Variants in MACROD2 observed in about 807,000 individuals in gnomAD.
MACROD2 encodes the protein mono-ADP ribosylhydrolase 2.
Under a neutral mutation model 70.4 loss-of-function variants are expected in MACROD2, and 36 were observed. That is an observed-to-expected ratio of 0.51 (90% CI 0.39 to 0.68). The LOEUF is 0.68. MACROD2 is among the 30% of genes least tolerant of loss of function. The pLI, the probability that MACROD2 is intolerant of heterozygous loss-of-function variation, is 0.00. For synonymous variants in MACROD2, 172 were observed against 178.8 expected, an observed-to-expected ratio of 0.96 and a Z score of 0.30; for missense variants, 496 against 538.4, an observed-to-expected ratio of 0.92 and a Z score of 0.78.
chr20:14,972,502 T>C (rs2074700995), intron 5 of MACROD2, among the ~76,000 whole-genome samples: 1 of 152,162 alleles, frequency 6.6e-6, no homozygotes, highest in Non-Finnish European at 1.5e-5. Context: ...ATTTAGCCCT[T>C]TACATATATT....
intron 3 of MACROD2, among the ~76,000 whole-genome samples, chr20:14,171,247 C>T (rs2081218059): frequency 6.6e-6 from 1 of 152,148 alleles, no homozygotes; most frequent in Non-Finnish European, 1.5e-5. Context: ...CTTGGTTAGT[C>T]TCACTAACGT....
intron 3 of MACROD2, among the ~76,000 whole-genome samples, chr20:14,478,929 A>G (rs947201026): frequency 6.6e-6 from 1 of 151,516 alleles, no homozygotes; most frequent in Non-Finnish European, 1.5e-5. Context: ...ACATTTTTCT[A>G]GGCTAGGCTT....
chr20:13,995,849 GGTTAGGGT>G lies in MACROD2; in HGVS notation c.46+42_46+49del. On this transcript the variant is annotated intron_variant, in intron 1 of 17. Transcript: ENST00000684519. This position sits in a 1 kb window ranked among gnomAD's most constrained non-coding sequence, Gnocchi z 4.3. ...GAGTCCTGGGGGTGCGGGCGGTGGG[GGTTAGGGT>G]GGGGGCGGGGGTCAGGCTGTGTGTG... is the stretch of plus-strand genomic sequence containing the variant. 1.5e-6 allele frequency: 2 copies of G among 1,312,110 alleles called. No homozygotes were observed. The highest frequency in any genetic ancestry group is 2.1e-6 in the Non-Finnish European group (2 of 938,804). The allele number at this position is 1,312,110 out of a possible 1,614,324, so 81.3% of individuals were successfully genotyped here.
chr20:14,326,305 T>C lies in MACROD2; in HGVS notation c.272-167174T>C. ...TTTTCTTGAGGGACTCCCTGTGGTT[T>C]GGTGATCCTTAGTGAGCTTGGGGTT... On this transcript the variant is annotated intron_variant, in intron 3 of 17. Transcript: ENST00000684519. This position sits in a 1 kb window ranked among gnomAD's most constrained non-coding sequence, Gnocchi z 5.5. 1.2e-6 allele frequency: 2 copies of C among 1,613,918 alleles called. No individual in the cohort carries two copies. Among genetic ancestry groups the C allele is most frequent in the South Asian group, 2.2e-5 (2 of 91,082 alleles).
At chr20:14,777,432 G>C (rs1363763352) in intron 5 of MACROD2, among the ~76,000 whole-genome samples, 11 of 151,956 alleles carry the variant, frequency 7.2e-5, no homozygotes, top group Admixed American at 7.2e-4. Context: ...ATGTGTATGT[G>C]TTAGAGGCTG....
chr20:15,838,117 A>G (rs752746457), intron 8 of MACROD2, among the ~76,000 whole-genome samples: 9 of 151,968 alleles, frequency 5.9e-5, no homozygotes, highest in African/African-American at 9.7e-5. Context: ...TCTTGTCAAG[A>G]TTGGGCAGCT....
chr20:14,152,586 C>G (rs1438917145), intron 3 of MACROD2, among the ~76,000 whole-genome samples: 1 of 151,910 alleles, frequency 6.6e-6, no homozygotes, highest in Non-Finnish European at 1.5e-5. Flanking sequence ...ACCACCATGC[C>G]CGGCTAATTT....
chr20:15,690,001 C>T (rs1323011534), intron 8 of MACROD2, among the ~76,000 whole-genome samples: 2 of 152,294 alleles, frequency 1.3e-5, no homozygotes, highest in African/African-American at 4.8e-5. Flanking sequence ...TCGAGCTTAG[C>T]CTGCAAGTCA....
At chr20:15,203,384 T>C (rs2145931794) in intron 5 of MACROD2, among the ~76,000 whole-genome samples, 1 of 152,220 alleles carries the variant, frequency 6.6e-6, no homozygotes, top group Middle Eastern at 3.4e-3. Context: ...GGAAGGGCCA[T>C]TGTATTCAGT....
intron 1 of MACROD2, among the ~76,000 whole-genome samples, chr20:13,998,491 G>T (rs1306373671): frequency 4.6e-5 from 7 of 152,016 alleles, no homozygotes; most frequent in Admixed American, 2.0e-4. Flanking sequence ...CAGTAATATT[G>T]TAATAATTTT....
chr20:14,993,329 C>G (rs2074922153), intron 5 of MACROD2, among the ~76,000 whole-genome samples: 1 of 150,352 alleles, frequency 6.7e-6, no homozygotes, highest in Non-Finnish European at 1.5e-5. Context: ...ATATTTAGAT[C>G]AACTGCCCTC....
At chr20:14,117,383 G>A (rs3747928) in intron 3 of MACROD2, among the ~76,000 whole-genome samples, 30,858 of 152,112 alleles carry the variant, frequency 0.2, 3,254 homozygotes, top group Admixed American at 0.24. Flanking sequence ...CTAACTCAAT[G>A]TTGGTCATGT....
chr20:14,554,174 A>G (rs1978861366), intron 4 of MACROD2, among the ~76,000 whole-genome samples: 1 of 152,074 alleles, frequency 6.6e-6, no homozygotes, highest in South Asian at 2.1e-4. Context: ...TCCTTTCTCA[A>G]AGGTTGCCTA....
intron 8 of MACROD2, among the ~76,000 whole-genome samples, chr20:15,813,034 C>T (rs1172812131): frequency 6.6e-6 from 1 of 152,034 alleles, no homozygotes; most frequent in African/African-American, 2.4e-5. Context: ...GGCTGATTCC[C>T]CCCTTATTAT....
chr20:14,426,768 GGGA>G (rs565445097), intron 3 of MACROD2, among the ~76,000 whole-genome samples: 111 of 152,148 alleles, frequency 7.3e-4, no homozygotes, highest in South Asian at 6.0e-3. Context: ...GCCCCCATTA[GGGA>G]GGAAAAATGG....
At chr20:15,212,591 G>T (rs2076773672) in intron 5 of MACROD2, among the ~76,000 whole-genome samples, 1 of 152,212 alleles carries the variant, frequency 6.6e-6, no homozygotes, top group Non-Finnish European at 1.5e-5. Context: ...GGCAACACAG[G>T]TCAAGGTCAT....
Position 14,326,505 on chromosome 20 carries a change from G to A in MACROD2, c.272-166974G>A. ...TCCCACGAACCTTTTCTGGGGCTTG[G>A]CACATGAGCCCACGCACGTTGACCT... On this transcript the variant is annotated intron_variant, in intron 3 of 17. Transcript: ENST00000684519. The surrounding 1 kb of genome is among the most constrained non-coding windows in gnomAD (Gnocchi z 5.5). 1 of 1,613,818 alleles carries A rather than the reference G, an allele frequency of 6.2e-7. No individual in the cohort carries two copies. Among genetic ancestry groups the A allele is most frequent in the East Asian group, 2.2e-5 (1 of 44,854 alleles).
intron 5 of MACROD2, among the ~76,000 whole-genome samples, chr20:15,218,382 A>G (rs540619695): frequency 6.6e-6 from 1 of 152,220 alleles, no homozygotes; most frequent in South Asian, 2.1e-4. Context: ...TCTCTTTTTC[A>G]CGCCTTGGAC....
chr20:14,855,808 G>A (rs534326858), intron 5 of MACROD2, among the ~76,000 whole-genome samples: 1 of 151,756 alleles, frequency 6.6e-6, no homozygotes, highest in Admixed American at 6.6e-5. Context: ...ATCTCTTATG[G>A]TATGTCTTAT....
Sources: gnomAD v4.1 joint callset for allele counts (sites outside exome capture counted in the v4.1 genomes callset) on GRCh38, gnomAD v4.1.1 for gene constraint, Gnocchi (gnomAD v3.1) non-coding constraint, MANE v1.5 for transcripts, NCBI Gene and HGNC (gene_info 2026-07-23, HGNC 2026-07-21) for gene names.